The following ASTN2 variants were observed in gnomAD, a reference collection of about 807,000 sequenced individuals.
ASTN2 encodes astrotactin 2.
ASTN2 carries 54 observed loss-of-function variants against 139.8 expected under a neutral mutation model. The ratio of observed to expected loss-of-function variants is 0.39; its 90% CI spans 0.31 to 0.48. ASTN2 has a LOEUF of 0.48. ASTN2 is among the 20% of genes least tolerant of loss of function. The probability of loss-of-function intolerance (pLI) is 0.95; values close to 1 mark genes in which losing one functional copy is unlikely to be tolerated. For synonymous variants in ASTN2, 756 were observed against 719.5 expected (o/e 1.05, Z -0.81); for missense variants, 1,565 against 1,725.1 (o/e 0.91, Z 1.64).
intron 5 of ASTN2, among the ~76,000 whole-genome samples, chr9:117,074,093 GA>G (rs66565720): frequency 0.74 from 110,515 of 150,316 alleles, 40,396 homozygotes; most frequent in East Asian, 0.76. Context: ...TTCTATTGAG[GA>G]AAAAAAAAAA....
intron 5 of ASTN2, among the ~76,000 whole-genome samples, chr9:117,059,174 G>A (rs1839163565): frequency 6.6e-6 from 1 of 152,156 alleles, no homozygotes; most frequent in Non-Finnish European, 1.5e-5. Context: ...GTTGGGGATG[G>A]AATTGCTGGA....
intron 1 of ASTN2, among the ~76,000 whole-genome samples, chr9:117,387,645 G>A (rs1411124046): frequency 6.6e-6 from 1 of 152,164 alleles, no homozygotes; most frequent in Non-Finnish European, 1.5e-5. Flanking sequence ...CAGGGAGAAT[G>A]GCAGGATACG....
chr9:117,175,091 G>A (rs973043770), intron 3 of ASTN2, among the ~76,000 whole-genome samples: 3 of 151,922 alleles, frequency 2.0e-5, no homozygotes, highest in Admixed American at 2.0e-4. Context: ...GAGGCTAAAA[G>A]TAATAAAATA....
intron 2 of ASTN2, among the ~76,000 whole-genome samples, chr9:117,230,712 G>A (rs1832864996): frequency 6.6e-6 from 1 of 152,270 alleles, no homozygotes; most frequent in East Asian, 1.9e-4. Flanking sequence ...AGGTCTAAGA[G>A]AGAATGAAAA....
chr9:116,548,103 ACT>A (rs1491566704), intron 19 of ASTN2, among the ~76,000 whole-genome samples: 1 of 93,786 alleles, frequency 1.1e-5, no homozygotes, highest in Admixed American at 9.3e-5. Flanking sequence ...AAACCAAAGC[ACT>A]CTGTTTTCTA....
chr9:117,188,031 T>C (rs1046830935), intron 3 of ASTN2, among the ~76,000 whole-genome samples: 40 of 152,122 alleles, frequency 2.6e-4, no homozygotes, highest in Non-Finnish European at 4.3e-4. Flanking sequence ...TTGCTGGGGT[T>C]GGGGGGCGGT....
chr9:117,410,741 T>G (rs1396886179), intron 1 of ASTN2, among the ~76,000 whole-genome samples: 1 of 152,144 alleles, frequency 6.6e-6, no homozygotes, highest in Non-Finnish European at 1.5e-5. Context: ...CTTCTCCAAT[T>G]CTACAGAGAT....
intron 11 of ASTN2, among the ~76,000 whole-genome samples, chr9:116,840,621 C>T (rs1232483404): frequency 2.3e-4 from 19 of 82,474 alleles, no homozygotes; most frequent in Admixed American, 3.9e-4. Context: ...ACTTCTCAGA[C>T]GGGGCGGCTG....
At chr9:117,091,573 G>T (rs1039175960) in intron 5 of ASTN2, among the ~76,000 whole-genome samples, 10 of 120,960 alleles carry the variant, frequency 8.3e-5, no homozygotes, top group Non-Finnish European at 1.2e-4. Flanking sequence ...CTCACGTGAT[G>T]GGGGGGCAGG....
intron 10 of ASTN2, among the ~76,000 whole-genome samples, chr9:116,934,355 T>C (rs929824691): frequency 3.4e-4 from 51 of 152,144 alleles, no homozygotes; most frequent in African/African-American, 1.2e-3. Context: ...ACAAAACACT[T>C]TGCAATTAAC....
chr9:117,001,783 C>A (rs907083486), intron 7 of ASTN2, among the ~76,000 whole-genome samples: 1 of 152,154 alleles, frequency 6.6e-6, no homozygotes, highest in African/African-American at 2.4e-5. Flanking sequence ...AGGCATGGGG[C>A]ACTTTGTTAA....
intron 5 of ASTN2, among the ~76,000 whole-genome samples, chr9:117,052,216 G>A (rs1353723212): frequency 3.3e-5 from 5 of 151,966 alleles, no homozygotes; most frequent in East Asian, 1.9e-4. Flanking sequence ...TGAGGTGGGC[G>A]GATCATGAGG....
chr9:116,509,590 T>G (rs1000664257), intron 19 of ASTN2, among the ~76,000 whole-genome samples: 5 of 152,336 alleles, frequency 3.3e-5, no homozygotes, highest in Non-Finnish European at 4.4e-5. Context: ...CCACACTGTC[T>G]TCCACAATGG....
chr9:117,117,218 T>C (rs895818455), intron 4 of ASTN2, among the ~76,000 whole-genome samples: 1 of 152,060 alleles, frequency 6.6e-6, no homozygotes, highest in Non-Finnish European at 1.5e-5. Context: ...GGAAGACACA[T>C]GAAAGTTTCT....
intron 19 of ASTN2, among the ~76,000 whole-genome samples, chr9:116,541,690 C>T (rs73524127): frequency 0.012 from 1,866 of 152,210 alleles, 34 homozygotes; most frequent in African/African-American, 0.043. Context: ...AGCTGATGGG[C>T]CCTCCAAAGA....
intron 5 of ASTN2, among the ~76,000 whole-genome samples, chr9:117,095,831 T>A (rs1474675244): frequency 6.6e-6 from 1 of 152,162 alleles, no homozygotes; most frequent in Non-Finnish European, 1.5e-5. Flanking sequence ...TTTTGAAGAA[T>A]AAGGTGGGAC....
At chr9:116,502,249 G>C (rs990517230) in intron 19 of ASTN2, among the ~76,000 whole-genome samples, 4 of 151,588 alleles carry the variant, frequency 2.6e-5, no homozygotes, top group Admixed American at 2.6e-4. Flanking sequence ...GAGAGACAGA[G>C]AGAGACACAC....
rs560519914 is a variant in ASTN2 at position 116,742,437 on chromosome 9, T to C, written c.2397-8914A>G. On this transcript the variant is annotated intron_variant, in intron 13 of 22. Coordinates refer to ENST00000313400, the MANE Select transcript of ASTN2 (RefSeq NM_001365068.1). ...AAGTGGCTGAGAGTTCAGATGGGAGTGCCTCAGTGACCCTCCTCCTGGCCT... is the reference window on the plus strand; with the variant it reads ...AAGTGGCTGAGAGTTCAGATGGGAGCGCCTCAGTGACCCTCCTCCTGGCCT... Among the ~76,000 whole-genome samples the C allele has an allele frequency of 1.2e-3, 179 of 152,248 alleles. 1 individual carries two copies. The Middle Eastern group carries it at 0.017, about 14-fold the overall frequency.
intron 1 of ASTN2, among the ~76,000 whole-genome samples, chr9:117,368,539 G>T (rs1829906825): frequency 6.6e-6 from 1 of 152,096 alleles, no homozygotes; most frequent in South Asian, 2.1e-4. Flanking sequence ...CTTAATTTTT[G>T]CAATGTGTGT....
Sources: gnomAD v4.1 joint callset for allele counts (sites outside exome capture counted in the v4.1 genomes callset) on GRCh38, gnomAD v4.1.1 for gene constraint, MANE v1.5 for transcripts, NCBI Gene and HGNC (gene_info 2026-07-23, HGNC 2026-07-21) for gene names.